The following MEGF11 variants were observed in gnomAD, a reference collection of about 807,000 sequenced individuals.
The protein encoded by MEGF11 is multiple EGF like domains 11.
A neutral mutation model predicts 146.6 loss-of-function variants in MEGF11; 126 were observed. That is an observed-to-expected ratio of 0.86 (90% confidence interval 0.74 to 1.00). The LOEUF is 1.00. MEGF11 is among the 50% of genes least tolerant of loss of function. The pLI, the probability that MEGF11 is intolerant of heterozygous loss-of-function variation, is 0.00. For missense variants in MEGF11, 1,509 were observed against 1,521.2 expected, an observed-to-expected ratio of 0.99 and a Z score of 0.13; for synonymous variants, 532 against 583.4, an observed-to-expected ratio of 0.91 and a Z score of 1.27.
At chr15:65,942,974 C>CTTT (rs58874869) in intron 10 of MEGF11, among the ~76,000 whole-genome samples, 764 of 47,572 alleles carry the variant, frequency 0.016, 37 homozygotes, top group Non-Finnish European at 0.023. Context: ...AACAACTTGG[C>CTTT]TTTTTTTTTT....
chr15:66,171,172 C>T (rs540191159), intron 1 of MEGF11, among the ~76,000 whole-genome samples: 1 of 152,210 alleles, frequency 6.6e-6, no homozygotes, highest in East Asian at 1.9e-4. Context: ...GTTGGAGTCA[C>T]GGTGACCACA....
intron 10 of MEGF11, among the ~76,000 whole-genome samples, chr15:65,952,446 G>GGTCCTCACCTCCTGGATAGGATC (rs2080441891): frequency 1.3e-5 from 2 of 152,160 alleles, no homozygotes; most frequent in African/African-American, 4.8e-5. Context: ...TGTGAAGAAA[G>GGTCCTCACCTCCTGGATAGGATC]GTCCTCACCT....
chr15:66,106,234 G>T (rs984366304), intron 4 of MEGF11, among the ~76,000 whole-genome samples: 2 of 152,216 alleles, frequency 1.3e-5, no homozygotes, highest in African/African-American at 4.8e-5. Context: ...AGAAGTGAAG[G>T]CACAGCCTCT....
intron 10 of MEGF11, among the ~76,000 whole-genome samples, chr15:65,954,569 G>A (rs1432388960): frequency 6.6e-6 from 1 of 152,216 alleles, no homozygotes; most frequent in Non-Finnish European, 1.5e-5. Context: ...GGAGATGGAT[G>A]GGAATTCGCT....
At chr15:66,246,654 T>A (rs1043157025) in intron 1 of MEGF11, among the ~76,000 whole-genome samples, 2 of 149,966 alleles carry the variant, frequency 1.3e-5, no homozygotes, top group Non-Finnish European at 3.0e-5. Context: ...AAAAAAAAAA[T>A]AAAAATAATT....
intron 1 of MEGF11, among the ~76,000 whole-genome samples, chr15:66,181,768 G>A (rs1490158672): frequency 2.0e-5 from 3 of 152,146 alleles, no homozygotes; most frequent in African/African-American, 7.2e-5. Context: ...GCCAATGCTG[G>A]GGGAGGGGCG....
chr15:66,096,092 G>A (rs1157168107), intron 4 of MEGF11, among the ~76,000 whole-genome samples: 1 of 152,172 alleles, frequency 6.6e-6, no homozygotes, highest in Non-Finnish European at 1.5e-5. Context: ...CCCATGGGAT[G>A]CCAGCCCCTC....
intron 7 of MEGF11, 86 bp from the exon 8 acceptor site, chr15:65,970,775 G>A (rs528852135): frequency 1.5e-5 from 22 of 1,460,342 alleles, no homozygotes; most frequent in South Asian, 1.1e-4. Context: ...GTGGCTCCAG[G>A]GACCACCCAA....
At chr15:65,902,541 C>T (rs1310829823) in intron 24 of MEGF11, 2 of 152,208 alleles carry the variant, frequency 1.3e-5, no homozygotes, top group African/African-American at 2.4e-5. Flanking sequence ...CACCTGCCTG[C>T]AAGAGGGGAG....
intron 5 of MEGF11, among the ~76,000 whole-genome samples, chr15:66,070,816 C>T (rs2085333798): frequency 1.3e-5 from 2 of 152,176 alleles, no homozygotes; most frequent in Non-Finnish European, 2.9e-5. Context: ...GAACACCCAG[C>T]CCAGAGTCCA....
chr15:66,007,654 G>A (rs965629557), intron 5 of MEGF11, among the ~76,000 whole-genome samples: 1 of 152,202 alleles, frequency 6.6e-6, no homozygotes, highest in African/African-American at 2.4e-5. Context: ...TCCAGAAGCT[G>A]AGGAGAAAGG....
intron 5 of MEGF11, among the ~76,000 whole-genome samples, chr15:65,985,004 G>T (rs968542997): frequency 4.6e-5 from 7 of 151,874 alleles, no homozygotes; most frequent in African/African-American, 1.5e-4. Flanking sequence ...CTTGACCTCA[G>T]GTGATCCACC....
chr15:66,046,301 C>T (rs188413464), intron 5 of MEGF11, among the ~76,000 whole-genome samples: 109 of 152,324 alleles, frequency 7.2e-4, no homozygotes, highest in Middle Eastern at 3.4e-3. Context: ...GATCCCAAAT[C>T]GCCATCTGGA....
chr15:66,150,866 G>GAGAGAGAGAGAGAT (rs567593084), intron 1 of MEGF11, among the ~76,000 whole-genome samples: 4 of 122,482 alleles, frequency 3.3e-5, no homozygotes, highest in South Asian at 2.6e-4. Flanking sequence ...GAGAGAGAGA[G>GAGAGAGAGAGAGAT]AGAGGAAAGA....
chr15:66,164,833 A>C (rs924819726), intron 1 of MEGF11, among the ~76,000 whole-genome samples: 1 of 152,254 alleles, frequency 6.6e-6, no homozygotes, highest in African/African-American at 2.4e-5. Flanking sequence ...ACCAGAGAAC[A>C]TTTGAAATTG....
At chr15:65,990,724 A>G (rs28451811) in intron 5 of MEGF11, among the ~76,000 whole-genome samples, 2 of 147,640 alleles carry the variant, frequency 1.4e-5, no homozygotes, top group South Asian at 4.2e-4. Flanking sequence ...AGAAAGAAAG[A>G]AAGAAAGAAA....
intron 5 of MEGF11, among the ~76,000 whole-genome samples, chr15:66,074,221 TATTC>T (rs1231950164): frequency 1.3e-5 from 2 of 152,248 alleles, no homozygotes; most frequent in South Asian, 2.1e-4. Flanking sequence ...ATAAATAACA[TATTC>T]ATTATTTTGC....
At chr15:66,187,878 G>T (rs899079) in intron 1 of MEGF11, among the ~76,000 whole-genome samples, 90,692 of 152,140 alleles carry the variant, frequency 0.6, 28,309 homozygotes, top group African/African-American at 0.77. Context: ...ATAACTGAAC[G>T]GTGGTTATGG....
chr15:66,102,904 G>A (rs1230251450), intron 4 of MEGF11, among the ~76,000 whole-genome samples: 3 of 152,214 alleles, frequency 2.0e-5, no homozygotes, highest in Non-Finnish European at 4.4e-5. Flanking sequence ...GATAATAAGA[G>A]CTGACACTCA....
Sources: gnomAD v4.1 joint callset for allele counts (sites outside exome capture counted in the v4.1 genomes callset) on GRCh38, gnomAD v4.1.1 for gene constraint, MANE v1.5 for transcripts, NCBI Gene and HGNC (gene_info 2026-07-23, HGNC 2026-07-21) for gene names.